Variants in TOM1L1 observed in about 807,000 individuals in gnomAD.
TOM1L1 encodes the protein target of myb1 like 1 membrane trafficking protein, also known as TOM1-like protein 1.
In TOM1L1, 64 loss-of-function variants were observed where a neutral mutation model predicts 63.4. That is an observed-to-expected ratio of 1.01 (90% confidence interval 0.83 to 1.24). TOM1L1 has a LOEUF of 1.24. Ranked by LOEUF, TOM1L1 falls within the 50% of genes most tolerant of loss-of-function variation. TOM1L1 has a pLI of 0.00. For missense variants in TOM1L1, 536 were observed against 567.0 expected, an observed-to-expected ratio of 0.95 and a Z score of 0.55; for synonymous variants, 166 against 194.4, an observed-to-expected ratio of 0.85 and a Z score of 1.22.
Position 54,960,063 on chromosome 17 carries a change from T to C in TOM1L1, c.1371-503T>C, listed in dbSNP as rs377017570. 1.5e-3 allele frequency among the ~76,000 whole-genome samples: 225 copies of C among 152,070 alleles called. 7 individuals are homozygous for C. The South Asian group carries it at 0.045, about 31-fold the overall frequency. On this transcript the variant is annotated intron_variant, in intron 14 of 15. Transcript: ENST00000575882. ...ATGAAATACATACTTTTAAGAGACA[T>C]AGGAATTGCAACAATAAGGCCGGGT...
chr17:54,925,830 G>A (rs542367041), intron 7 of TOM1L1, among the ~76,000 whole-genome samples: 2 of 152,120 alleles, frequency 1.3e-5, no homozygotes, highest in South Asian at 4.2e-4. Context: ...CTTGAACCCG[G>A]GAGGCAAAGT....
intron 11 of TOM1L1, among the ~76,000 whole-genome samples, chr17:54,942,769 CA>C (rs1387252332): frequency 6.6e-6 from 1 of 152,136 alleles, no homozygotes; most frequent in Non-Finnish European, 1.5e-5. Context: ...TAACTACCCC[CA>C]GTCAGGATAC....
intron 8 of TOM1L1, among the ~76,000 whole-genome samples, chr17:54,931,704 G>A (rs1044387787): frequency 6.6e-6 from 1 of 152,154 alleles, no homozygotes; most frequent in Non-Finnish European, 1.5e-5. Flanking sequence ...TTAGGAGGCT[G>A]AGGTGGGAGC....
chr17:54,915,924 G>A, intron 7 of TOM1L1, 62 bp downstream of exon 7: 5 of 1,278,432 alleles, frequency 3.9e-6, no homozygotes, highest in Non-Finnish European at 5.7e-6. Flanking sequence ...TCTAAACTTT[G>A]AGTTTGGAGA....
chr17:54,913,049 A>G (rs993699738), intron 4 of TOM1L1, among the ~76,000 whole-genome samples: 4 of 152,156 alleles, frequency 2.6e-5, no homozygotes, highest in Non-Finnish European at 5.9e-5. Flanking sequence ...ATCTGTGTCA[A>G]ATAGGAAAGA....
At chr17:54,941,476 CTT>C (rs919801229) in intron 11 of TOM1L1, among the ~76,000 whole-genome samples, 52 of 152,294 alleles carry the variant, frequency 3.4e-4, no homozygotes, top group African/African-American at 1.2e-3. Flanking sequence ...TTGGCTACCT[CTT>C]GTTTTGGCTA....
intron 3 of TOM1L1, among the ~76,000 whole-genome samples, chr17:54,907,600 C>G (rs1222711195): frequency 6.6e-6 from 1 of 152,148 alleles, no homozygotes; most frequent in African/African-American, 2.4e-5. Context: ...AAGCACCCCA[C>G]CCTCATACAC....
At chr17:54,951,525 C>G (rs922491790) in intron 14 of TOM1L1, among the ~76,000 whole-genome samples, 1 of 152,170 alleles carries the variant, frequency 6.6e-6, no homozygotes, top group African/African-American at 2.4e-5. Context: ...TAGAGAAGGT[C>G]GAGAGATTCT....
intron 7 of TOM1L1, among the ~76,000 whole-genome samples, chr17:54,927,324 G>A: frequency 6.6e-6 from 1 of 152,112 alleles, no homozygotes; most frequent in Non-Finnish European, 1.5e-5. Flanking sequence ...TCGTGTTTTG[G>A]CTCTTTCAAG....
chr17:54,940,568 T>A (rs138763431), intron 11 of TOM1L1, among the ~76,000 whole-genome samples: 1 of 152,202 alleles, frequency 6.6e-6, no homozygotes, highest in Non-Finnish European at 1.5e-5. Flanking sequence ...TGGAAACAAC[T>A]CAAAATATCC....
intron 10 of TOM1L1, 169 bp from the exon 11 acceptor site, chr17:54,938,755 C>T (rs1431428970): frequency 4.0e-6 from 2 of 495,450 alleles, no homozygotes; most frequent in Non-Finnish European, 7.0e-6. Context: ...GCTAGGAAAT[C>T]TCATGATTTT....
intron 7 of TOM1L1, among the ~76,000 whole-genome samples, chr17:54,923,922 G>A (rs944660872): frequency 3.9e-5 from 6 of 152,078 alleles, no homozygotes; most frequent in Non-Finnish European, 8.8e-5. Context: ...AACCTGGGAG[G>A]TGGAGGTTGC....
chr17:54,951,090 C>T (rs2049221128), intron 14 of TOM1L1, among the ~76,000 whole-genome samples: 1 of 152,304 alleles, frequency 6.6e-6, no homozygotes, highest in East Asian at 1.9e-4. Flanking sequence ...CAAGCCTGGG[C>T]CTCTAAACTT....
intron 1 of TOM1L1, among the ~76,000 whole-genome samples, chr17:54,902,697 C>T (rs1459838989): frequency 6.6e-6 from 1 of 152,172 alleles, no homozygotes; most frequent in East Asian, 1.9e-4. Context: ...TCTCCATTTC[C>T]CCCAGAACCC....
chr17:54,943,441 G>GGGGTGTGT (rs1555611737), intron 11 of TOM1L1, among the ~76,000 whole-genome samples: 1 of 134,354 alleles, frequency 7.4e-6, no homozygotes, highest in Non-Finnish European at 1.6e-5. Context: ...TTTGTATAAT[G>GGGGTGTGT]GTGTGTGTGT....
At chr17:54,923,564 G>T (rs1342950565) in intron 7 of TOM1L1, among the ~76,000 whole-genome samples, 2 of 150,994 alleles carry the variant, frequency 1.3e-5, no homozygotes, top group Non-Finnish European at 3.0e-5. Context: ...TTATTTTTTT[G>T]AGATGGAGTC....
rs961255939 is a variant in TOM1L1 at position 54,939,091 on chromosome 17, T to C, written c.1130+71T>C. ...ATTCCTTACAATTAAGAAAACCTGA[T>C]GGCTGGGCGCAGTGACTTACATCTG... On this transcript the variant is annotated intron_variant, in intron 11 of 15. Coordinates refer to ENST00000575882, the MANE Select transcript of TOM1L1 (RefSeq NM_005486.3). 8 of 1,085,814 alleles carry C rather than the reference T, an allele frequency of 7.4e-6. No homozygotes were observed. The African/African-American group carries it at 1.3e-4, about 17-fold the overall frequency. 67.3% of individuals were successfully genotyped at this position (1,085,814 alleles called of 1,614,324 possible). A position where few individuals can be genotyped will look rare whatever the true frequency, so the allele number is the denominator to read the frequency against.
chr17:54,928,725 A>G (rs1425897322), intron 7 of TOM1L1, among the ~76,000 whole-genome samples: 1 of 152,192 alleles, frequency 6.6e-6, no homozygotes, highest in Non-Finnish European at 1.5e-5. Flanking sequence ...GTTGCTGAAG[A>G]TGGCCCTGTG....
chr17:54,920,007 T>TTTTA (rs57045626), intron 7 of TOM1L1, among the ~76,000 whole-genome samples: 2,742 of 127,046 alleles, frequency 0.022, 54 homozygotes, highest in East Asian at 0.12. Context: ...TATTTATTTA[T>TTTTA]TTTATTTATT....
Sources: gnomAD v4.1 joint callset for allele counts (sites outside exome capture counted in the v4.1 genomes callset) on GRCh38, gnomAD v4.1.1 for gene constraint, MANE v1.5 for transcripts, NCBI Gene and HGNC (gene_info 2026-07-23, HGNC 2026-07-21) for gene names.